Variants in PLB1 observed in about 807,000 individuals in gnomAD.
PLB1 encodes phospholipase B1.
In PLB1, 242 loss-of-function variants were observed where a neutral mutation model predicts 227.4. The ratio of observed to expected loss-of-function variants is 1.06; its 90% confidence interval spans 0.96 to 1.18. The LOEUF (loss-of-function observed/expected upper bound fraction) is 1.18, where lower values mean the gene tolerates loss of function less well. Ranked by LOEUF, PLB1 falls within the 50% of genes most tolerant of loss-of-function variation. The pLI, the probability that PLB1 is intolerant of heterozygous loss-of-function variation, is 0.00. For synonymous variants in PLB1, 757 were observed against 682.2 expected, an observed-to-expected ratio of 1.11 and a Z score of -1.71; for missense variants, 1,858 against 1,816.3, an observed-to-expected ratio of 1.02 and a Z score of -0.42.
chr2:28,618,343 C>T lies in PLB1; in HGVS notation c.3259C>T (p.His1087Tyr). The T allele has an allele frequency of 6.2e-7, 1 of 1,614,088 alleles. No homozygotes were observed. Among genetic ancestry groups the T allele is most frequent in the Non-Finnish European group, 8.5e-7 (1 of 1,179,972 alleles). ...ACCTCTCTGCTTGTCTCCCCTAGTC[C>T]ACCAGCTCCGACCAGCAGACATCAA... Reference protein sequence around the residue: ...KASNSVPTSVHQLRPADIKVV... With the variant: ...KASNSVPTSVYQLRPADIKVV... Residue 1087 changes from histidine (H) to tyrosine (Y), a missense_variant and splice_region_variant, in exon 46 of 58, where the codon CAC becomes TAC. Coordinates refer to ENST00000327757, the MANE Select transcript of PLB1 (RefSeq NM_153021.5).
intron 1 of PLB1, among the ~76,000 whole-genome samples, chr2:28,511,789 T>G (rs1306095761): frequency 1.0e-5 from 1 of 99,888 alleles, no homozygotes; most frequent in Non-Finnish European, 2.2e-5. Flanking sequence ...CCATTTTATC[T>G]TTTTTTTTTT....
chr2:28,622,757 ACGCCTGTAAT>A (rs1687211070), intron 49 of PLB1, among the ~76,000 whole-genome samples: 1 of 152,172 alleles, frequency 6.6e-6, no homozygotes, highest in Non-Finnish European at 1.5e-5. Flanking sequence ...GTGATGGTAC[ACGCCTGTAAT>A]CCCAGCTACT....
chr2:28,581,494 T>TA (rs1289750477), intron 23 of PLB1, among the ~76,000 whole-genome samples: 3 of 38,902 alleles, frequency 7.7e-5, no homozygotes, highest in African/African-American at 2.8e-4. Context: ...AAAAAATAAA[T>TA]AAATAAATAA....
At chr2:28,521,099 G>A (rs1460036630) in intron 4 of PLB1, among the ~76,000 whole-genome samples, 3 of 152,232 alleles carry the variant, frequency 2.0e-5, no homozygotes. Flanking sequence ...CCATATGCCA[G>A]ATTTCCCTTC....
Position 28,604,020 on chromosome 2 carries a change from G to C in PLB1, c.2829G>C (p.Arg943Ser). The change falls in exon 40 of 58, where the codon AGG (arginine) becomes AGC (serine). Residue 943 changes from arginine (R) to serine (S), a missense_variant. Coordinates refer to ENST00000327757, the MANE Select transcript of PLB1 (RefSeq NM_153021.5). ...TLRENSQELA[R>S]LEAFSRAYRS... Reference sequence around the variant, plus strand: ...GGGAGAACTCCCAAGAGCTAGCCAGGCTGGAGGCCTTCAGCCGAGCCTACC... The same window carrying C: ...GGGAGAACTCCCAAGAGCTAGCCAGCCTGGAGGCCTTCAGCCGAGCCTACC... 1 of 1,614,214 alleles carries C rather than the reference G, an allele frequency of 6.2e-7. No homozygotes were observed. Among genetic ancestry groups the C allele is most frequent in the Non-Finnish European group, 8.5e-7 (1 of 1,180,000 alleles).
intron 12 of PLB1, 85 bp downstream of exon 12, chr2:28,540,526 T>C: frequency 8.9e-7 from 1 of 1,118,330 alleles, no homozygotes; most frequent in African/African-American, 1.5e-5. Context: ...GGACAATTAG[T>C]TGAGTTTGCT....
At chr2:28,502,595 T>C (rs1188452445) in intron 1 of PLB1, among the ~76,000 whole-genome samples, 1 of 152,232 alleles carries the variant, frequency 6.6e-6, no homozygotes, top group Non-Finnish European at 1.5e-5. Flanking sequence ...GATCATGGTG[T>C]ATCTCTTTCC....
chr2:28,519,813 A>G (rs770376194), intron 4 of PLB1, 50 bp downstream of exon 4: 4 of 1,456,410 alleles, frequency 2.7e-6, no homozygotes, highest in Middle Eastern at 1.7e-4. Context: ...GGTACTGATG[A>G]TCCTCTGAAT....
chr2:28,564,541 C>G (rs1239271830), intron 18 of PLB1, among the ~76,000 whole-genome samples: 1 of 152,340 alleles, frequency 6.6e-6, no homozygotes, highest in Admixed American at 6.5e-5. Flanking sequence ...TCCCTGGTCT[C>G]CTTGAAGATA....
chr2:28,517,326 A>G (rs760006075), intron 2 of PLB1, among the ~76,000 whole-genome samples: 2 of 152,012 alleles, frequency 1.3e-5, no homozygotes, highest in Non-Finnish European at 2.9e-5. Flanking sequence ...GTTTTTCCCT[A>G]TTGGAGTATT....
chr2:28,632,220 G>GT, intron 55 of PLB1, 80 bp downstream of exon 55: 2 of 1,078,380 alleles, frequency 1.9e-6, no homozygotes, highest in South Asian at 1.5e-5. Flanking sequence ...CTCTAAGTGG[G>GT]CTTTTTTTTT....
rs1482723559 is a variant in PLB1, at chr2:28,593,902, A to C, written c.2321+148A>C. 6.6e-6 allele frequency: 5 copies of C among 757,236 alleles called. No homozygotes were observed. In the Admixed American group the frequency reaches 1.0e-4, roughly 16 times the overall value. 46.9% of individuals were successfully genotyped at this position (757,236 alleles called of 1,614,324 possible). A position where few individuals can be genotyped will look rare whatever the true frequency, so the allele number is the denominator to read the frequency against. ...AGAAAAAGCTATATATTTCTGCAAA[A>C]TGTGAACATTTGGTGAGTGGAGAGG... On this transcript the variant is annotated intron_variant, in intron 33 of 57. Transcript: ENST00000327757.
At chr2:28,528,160 G>T (rs1165771267) in intron 6 of PLB1, among the ~76,000 whole-genome samples, 1 of 152,198 alleles carries the variant, frequency 6.6e-6, no homozygotes, top group African/African-American at 2.4e-5. Flanking sequence ...TTCCAGGCCA[G>T]CTCTCCCACC....
At chr2:28,619,502 C>A (rs1573478814) in intron 46 of PLB1, among the ~76,000 whole-genome samples, 1 of 141,694 alleles carries the variant, frequency 7.1e-6, no homozygotes, top group South Asian at 2.2e-4. Context: ...ACATCTGTTA[C>A]TTTTGTAAAT....
chr2:28,631,829 G>A (rs1688672917), intron 54 of PLB1, among the ~76,000 whole-genome samples: 1 of 152,216 alleles, frequency 6.6e-6, no homozygotes, highest in Non-Finnish European at 1.5e-5. Context: ...CTCTGATCCT[G>A]AGAACCAGCA....
In PLB1 at chr2:28,604,665, G is replaced by A. The variant is rs368786548; in HGVS notation, c.2867G>A (p.Arg956His). The A allele has an allele frequency of 8.6e-5, 138 of 1,614,030 alleles. 1 individual carries two copies. Among genetic ancestry groups the A allele is most frequent in the African/African-American group, 2.1e-4 (16 of 75,024 alleles). ...AFSRAYRSSM[R>H]ELVGSGRYDT... Reference sequence around the variant, plus strand: ...TGCATGTGTCCCCAGAGCAGCATGCGCGAGCTGGTGGGGTCAGGCCGCTAT... The same window carrying A: ...TGCATGTGTCCCCAGAGCAGCATGCACGAGCTGGTGGGGTCAGGCCGCTAT... The change falls in exon 41 of 58, where the codon CGC becomes CAC. Residue 956 changes from arginine to histidine, a missense_variant. Transcript: ENST00000327757.
At position 28,541,750 on chromosome 2, in the gene PLB1, A is replaced by G. The variant is rs764299357; in HGVS notation, c.818A>G (p.Gln273Arg). The G allele has an allele frequency of 6.2e-7, 1 of 1,614,098 alleles. No individual in the cohort carries two copies. Among genetic ancestry groups the G allele is most frequent in the South Asian group, 1.1e-5 (1 of 91,080 alleles). Residue 273 changes from glutamine (Q) to arginine (R), a missense_variant, in exon 13 of 58, where the codon CAG (glutamine) becomes CGG (arginine). By Grantham distance (43) the Gln-to-Arg change is conservative. Coordinates refer to ENST00000327757, the MANE Select transcript of PLB1 (RefSeq NM_153021.5). ...SLLASSRYSE[Q>R]ESFTVVFQPF... ...CTGGCCTCCAGCAGGTACAGTGAGC[A>G]GGAGTCCTTCACCGTGGTTTTCCAG...
chr2:28,618,519 T>TGACATGGGTAGGCCCTC, intron 46 of PLB1, 120 bp downstream of exon 46: 1 of 1,024,110 alleles, frequency 9.8e-7, no homozygotes, highest in Non-Finnish European at 1.5e-6. Flanking sequence ...ACTGAGGGCC[T>TGACATGGGTAGGCCCTC]ACCCATGTCA....
chr2:28,608,107 A>G (rs1407040942), intron 43 of PLB1, among the ~76,000 whole-genome samples: 1 of 152,168 alleles, frequency 6.6e-6, no homozygotes, highest in African/African-American at 2.4e-5. Flanking sequence ...GACAGAGCCC[A>G]ATGGAGCCAC....
Sources: gnomAD v4.1 joint callset for allele counts (sites outside exome capture counted in the v4.1 genomes callset) on GRCh38, gnomAD v4.1.1 for gene constraint, MANE v1.5 for transcripts, NCBI Gene and HGNC (gene_info 2026-07-23, HGNC 2026-07-21) for gene names.